Variants in PRDM5 observed in about 807,000 individuals in gnomAD.
The protein encoded by PRDM5 is PR domain zinc finger protein 5.
PRDM5 carries 56 observed loss-of-function variants against 81.2 expected under a neutral mutation model. That is an observed-to-expected ratio of 0.69 (90% CI 0.56 to 0.86). The LOEUF is 0.86. PRDM5 is among the 40% of genes least tolerant of loss of function. The probability of loss-of-function intolerance (pLI) is 0.00; values close to 1 mark genes in which losing one functional copy is unlikely to be tolerated. For missense variants in PRDM5, 697 were observed against 770.1 expected, an observed-to-expected ratio of 0.91 and a Z score of 1.12; for synonymous variants, 267 against 256.4, an observed-to-expected ratio of 1.04 and a Z score of -0.39.
At chr4:120,716,275 A>C (rs555213618) in intron 14 of PRDM5, among the ~76,000 whole-genome samples, 5 of 152,212 alleles carry the variant, frequency 3.3e-5, no homozygotes, top group Non-Finnish European at 7.3e-5. Flanking sequence ...CAAGTACAAC[A>C]ACCATGTATT....
intron 2 of PRDM5, among the ~76,000 whole-genome samples, chr4:120,881,769 C>T (rs550468342): frequency 2.2e-4 from 34 of 152,236 alleles, no homozygotes; most frequent in African/African-American, 7.7e-4. Context: ...AAATAAAAAA[C>T]CTACTTGCAA....
At chr4:120,729,471 G>T (rs1322153192) in intron 14 of PRDM5, among the ~76,000 whole-genome samples, 1 of 152,100 alleles carries the variant, frequency 6.6e-6, no homozygotes, top group Non-Finnish European at 1.5e-5. Context: ...AATTCACACA[G>T]CCTAAACACC....
intron 1 of PRDM5, among the ~76,000 whole-genome samples, chr4:120,917,434 A>G (rs1724313299): frequency 6.6e-6 from 1 of 152,002 alleles, no homozygotes; most frequent in African/African-American, 2.4e-5. Context: ...TCTTTTTTCT[A>G]TAATTCTTAT....
At chr4:120,885,204 T>C (rs1400880565) in intron 2 of PRDM5, among the ~76,000 whole-genome samples, 1 of 145,406 alleles carries the variant, frequency 6.9e-6, no homozygotes, top group African/African-American at 2.6e-5. Context: ...ACCTCTGGCA[T>C]ATTAGAGGAG....
At chr4:120,765,638 C>A (rs964479019) in intron 13 of PRDM5, among the ~76,000 whole-genome samples, 1 of 152,166 alleles carries the variant, frequency 6.6e-6, no homozygotes, top group African/African-American at 2.4e-5. Context: ...AAGATGACAG[C>A]AACACACTGT....
intron 14 of PRDM5, among the ~76,000 whole-genome samples, chr4:120,734,204 T>A (rs1299011450): frequency 1.3e-5 from 2 of 151,122 alleles, no homozygotes; most frequent in East Asian, 1.9e-4. Context: ...GGCTCCATTC[T>A]GCAGGCAGAG....
rs181365576 is a variant in PRDM5 at position 120,894,212 on chromosome 4, T to C, written c.177+13262A>G. 3.1e-4 allele frequency among the ~76,000 whole-genome samples: 47 copies of C among 152,334 alleles called. No individual in the cohort carries two copies. The East Asian group carries it at 5.8e-3, about 19-fold the overall frequency. ...GTATCATTTTAGTTAGATAATCTAGTTAAATTTACTTAATAAATTTACTTA... is the reference window on the plus strand; with the variant it reads ...GTATCATTTTAGTTAGATAATCTAGCTAAATTTACTTAATAAATTTACTTA... On this transcript the variant is annotated intron_variant, in intron 2 of 15. Transcript: ENST00000264808.
chr4:120,779,146 G>A (rs1340804998), intron 12 of PRDM5, among the ~76,000 whole-genome samples: 2 of 151,912 alleles, frequency 1.3e-5, no homozygotes, highest in African/African-American at 2.4e-5. Context: ...AAGGATATTA[G>A]GGTTATATTA....
chr4:120,753,795 T>C (rs1035143215), intron 14 of PRDM5, among the ~76,000 whole-genome samples: 1 of 152,108 alleles, frequency 6.6e-6, no homozygotes, highest in African/African-American at 2.4e-5. Context: ...CAGTGAAAAG[T>C]TGTATAGAGC....
In PRDM5 at chr4:120,830,631, T is replaced by C. The variant is rs980602013; in HGVS notation, c.301-9286A>G. Among the ~76,000 whole-genome samples, 3 of 152,164 alleles carry C rather than the reference T, an allele frequency of 2.0e-5. No individual in the cohort carries two copies. The South Asian group carries it at 6.2e-4, about 32-fold the overall frequency. ...AGTGACTTGAAATCAAGGAAAATAA[T>C]GTGAGGCAGAAAATGACAGATGTAT... On this transcript the variant is annotated intron_variant, in intron 3 of 15. Transcript: ENST00000264808.
intron 14 of PRDM5, among the ~76,000 whole-genome samples, chr4:120,713,148 C>A (rs1317731848): frequency 6.6e-6 from 1 of 152,134 alleles, no homozygotes; most frequent in African/African-American, 2.4e-5. Context: ...AAATTTTAAA[C>A]TATTATGCTA....
At chr4:120,922,483 C>G in intron 1 of PRDM5, 33 bp downstream of exon 1, 1 of 1,570,818 alleles carries the variant, frequency 6.4e-7, no homozygotes, top group Non-Finnish European at 8.6e-7. Flanking sequence ...GCGCGAGGTG[C>G]AGGGGCGCGC....
chr4:120,896,866 G>A (rs1397693697), intron 2 of PRDM5: 1 of 152,000 alleles, frequency 6.6e-6, no homozygotes, highest in African/African-American at 2.4e-5. Flanking sequence ...TGTATTTTTA[G>A]TAGAGACGGG....
chr4:120,856,285 A>T, intron 2 of PRDM5, among the ~76,000 whole-genome samples: 1 of 152,242 alleles, frequency 6.6e-6, no homozygotes, highest in East Asian at 1.9e-4. Context: ...GTGCTGATTT[A>T]TCTTTATTCT....
intron 2 of PRDM5, among the ~76,000 whole-genome samples, chr4:120,855,483 C>T (rs574587528): frequency 4.1e-4 from 62 of 152,260 alleles, no homozygotes; most frequent in African/African-American, 1.2e-3. Flanking sequence ...ACTTACACTT[C>T]GACTCAGAAC....
intron 2 of PRDM5, among the ~76,000 whole-genome samples, chr4:120,879,763 G>A (rs1243307514): frequency 6.6e-6 from 1 of 152,008 alleles, no homozygotes. Context: ...AGGGTTCAGT[G>A]CCCCTCCCCT....
In PRDM5 at chr4:120,710,340, G is replaced by A. The variant is rs371714829; in HGVS notation, c.1697C>T (p.Thr566Met). 2.4e-5 allele frequency: 38 copies of A among 1,613,820 alleles called. No individual in the cohort carries two copies. Among genetic ancestry groups the A allele is most frequent in the South Asian group, 6.6e-5 (6 of 91,072 alleles). ...CTGAAAAGGCTTTTCTCCAGTGTGC[G>A]TCCTCTTGTGCTCATCCAGGCCTCG... ...QKRGLDEHKR[T>M]HTGEKPFQCD... Residue 566 changes from threonine to methionine, a missense_variant, in exon 15 of 16, where the codon ACG (threonine) becomes ATG (methionine). By Grantham distance (81) the Thr-to-Met change is moderately conservative (BLOSUM62 -1). Around this residue, in one of 3 missense-constraint regions of PRDM5, gnomAD observed 86 missense variants for 135.2 expected, o/e 0.64. Transcript: ENST00000264808.
chr4:120,690,185 T>C (rs1403867012), downstream of PRDM5, among the ~76,000 whole-genome samples: 4 of 152,206 alleles, frequency 2.6e-5, no homozygotes, highest in Admixed American at 2.6e-4. Flanking sequence ...GTCAATGTAC[T>C]TCATGTTTTT....
At chr4:120,871,671 A>C (rs180731) in intron 2 of PRDM5, among the ~76,000 whole-genome samples, 64,956 of 151,976 alleles carry the variant, frequency 0.43, 14,124 homozygotes, top group Non-Finnish European at 0.47. Context: ...TCATATATGC[A>C]TTTAATCCAT....
Sources: gnomAD v4.1 joint callset for allele counts (sites outside exome capture counted in the v4.1 genomes callset) on GRCh38, gnomAD v4.1.1 for gene constraint, gnomAD v4.1.1 regional missense constraint, MANE v1.5 for transcripts, NCBI Gene and HGNC (gene_info 2026-07-23, HGNC 2026-07-21) for gene names.